Variants in GNAQ observed in about 807,000 individuals in gnomAD.
GNAQ encodes guanine nucleotide-binding protein G(q) subunit alpha.
Under a neutral mutation model 43.9 loss-of-function variants are expected in GNAQ, and 8 were observed. The ratio of observed to expected loss-of-function variants is 0.18; its 90% confidence interval spans 0.11 to 0.33. The LOEUF is 0.33. Ranked by LOEUF, GNAQ falls within the 10% of genes least tolerant of loss-of-function variation. GNAQ has a pLI of 1.00. For missense variants in GNAQ, 158 were observed against 450.8 expected, an observed-to-expected ratio of 0.35 and a Z score of 5.88; for synonymous variants, 155 against 170.7, an observed-to-expected ratio of 0.91 and a Z score of 0.71.
rs552281375 is a variant in GNAQ, at chr9:77,957,173, T to C, written c.137-34828A>G. ...AAATTCGAGACCAGTCTGGCCAACA[T>C]AGTGAAACCCCTTCTCTACTAAAAA... is the stretch of plus-strand genomic sequence containing the variant. On this transcript the variant is annotated intron_variant, in intron 1 of 6. Transcript: ENST00000286548. Among the ~76,000 whole-genome samples the C allele has an allele frequency of 1.9e-3, 282 of 151,990 alleles. 1 individual carries two copies. The highest frequency in any genetic ancestry group is 6.2e-3 in the African/African-American group (257 of 41,452).
At chr9:78,016,969 T>G (rs1342122268) in intron 1 of GNAQ, among the ~76,000 whole-genome samples, 2 of 152,190 alleles carry the variant, frequency 1.3e-5, no homozygotes, top group African/African-American at 4.8e-5. Flanking sequence ...TTATGTTATG[T>G]TATGTTATGT....
intron 1 of GNAQ, among the ~76,000 whole-genome samples, chr9:77,999,395 G>C (rs545901149): frequency 6.6e-6 from 1 of 152,236 alleles, no homozygotes; most frequent in South Asian, 2.1e-4. Context: ...AATCTCTTTA[G>C]GCTTGATGGG....
chr9:77,984,066 A>AAAAAAAAAAAAG, intron 1 of GNAQ, among the ~76,000 whole-genome samples: 1 of 146,146 alleles, frequency 6.8e-6, no homozygotes, highest in African/African-American at 2.5e-5. Context: ...AAAAAAAAAA[A>AAAAAAAAAAAAG]AAAAAAAAAA....
intron 2 of GNAQ, among the ~76,000 whole-genome samples, chr9:77,825,605 C>T (rs1352149992): frequency 1.3e-5 from 2 of 152,164 alleles, no homozygotes; most frequent in Non-Finnish European, 2.9e-5. Flanking sequence ...AAGAGAGATG[C>T]AGTTAACAAT....
intron 1 of GNAQ, among the ~76,000 whole-genome samples, chr9:78,004,514 A>C (rs921628111): frequency 6.6e-6 from 1 of 152,084 alleles, no homozygotes; most frequent in Non-Finnish European, 1.5e-5. Context: ...AAGTTTGAGA[A>C]GTCCTGCGTG....
At chr9:77,748,197 C>G (rs552294175) in intron 5 of GNAQ, among the ~76,000 whole-genome samples, 1 of 152,172 alleles carries the variant, frequency 6.6e-6, no homozygotes, top group African/African-American at 2.4e-5. Context: ...CAGCTATTAT[C>G]TTAAATGGAT....
At chr9:77,761,456 T>G (rs1474621765) in intron 5 of GNAQ, among the ~76,000 whole-genome samples, 2 of 92,600 alleles carry the variant, frequency 2.2e-5, no homozygotes, top group South Asian at 4.3e-4. Context: ...GGTTGGGGGG[T>G]CAGCCCCCCG....
chr9:77,892,587 G>A (rs1485276037), intron 2 of GNAQ, among the ~76,000 whole-genome samples: 1 of 152,128 alleles, frequency 6.6e-6, no homozygotes, highest in African/African-American at 2.4e-5. Context: ...TCGGTGCTGC[G>A]AGTGATCTTT....
chr9:77,746,275 G>C (rs1825728021), intron 5 of GNAQ, among the ~76,000 whole-genome samples: 1 of 152,094 alleles, frequency 6.6e-6, no homozygotes, highest in Admixed American at 6.6e-5. Flanking sequence ...AATAAGCCAA[G>C]GAAGAAAACA....
chr9:77,978,985 G>A (rs1228957943), intron 1 of GNAQ, among the ~76,000 whole-genome samples: 1 of 152,160 alleles, frequency 6.6e-6, no homozygotes, highest in African/African-American at 2.4e-5. Context: ...GAAACTGGGA[G>A]GCAGAGGTTG....
chr9:77,780,442 AT>A (rs34967331), intron 5 of GNAQ, among the ~76,000 whole-genome samples: 117,699 of 146,022 alleles, frequency 0.81, 47,318 homozygotes, highest in African/African-American at 0.86. Context: ...ATAGGATTTC[AT>A]TTTTTTTTTT....
intron 1 of GNAQ, among the ~76,000 whole-genome samples, chr9:78,015,121 A>C (rs1823822931): frequency 6.6e-6 from 1 of 152,260 alleles, no homozygotes; most frequent in African/African-American, 2.4e-5. Flanking sequence ...TGTGTATCAT[A>C]TTTTATCTTT....
intron 2 of GNAQ, among the ~76,000 whole-genome samples, chr9:77,820,998 A>T (rs1827104741): frequency 6.6e-6 from 1 of 152,182 alleles, no homozygotes; most frequent in Non-Finnish European, 1.5e-5. Context: ...TTTATCGCTC[A>T]TGTGTTAGAC....
chr9:77,967,187 T>A lies in GNAQ; in HGVS notation c.137-44842A>T, dbSNP rs138619677. Among the ~76,000 whole-genome samples, 1,032 of 152,314 alleles carry A rather than the reference T, an allele frequency of 6.8e-3. 15 individuals carry two copies. The highest frequency in any genetic ancestry group is 0.023 in the African/African-American group (958 of 41,574). On this transcript the variant is annotated intron_variant, in intron 1 of 6. Coordinates refer to ENST00000286548, the MANE Select transcript of GNAQ (RefSeq NM_002072.5). The stretch of plus-strand genomic sequence containing the variant: ...AGGGTATCATGCCACTATTGCAGAA[T>A]GGGAAGCTGCCCTGTCCCAGGTACA...
At chr9:77,994,066 G>A (rs1042263525) in intron 1 of GNAQ, among the ~76,000 whole-genome samples, 1 of 152,166 alleles carries the variant, frequency 6.6e-6, no homozygotes, top group African/African-American at 2.4e-5. Context: ...GCCCAGGCTG[G>A]AGTGTAGTGG....
intron 3 of GNAQ, among the ~76,000 whole-genome samples, chr9:77,802,082 G>A (rs1326631547): frequency 8.6e-5 from 13 of 152,030 alleles, no homozygotes; most frequent in Non-Finnish European, 5.9e-5. Context: ...CATGAGAATC[G>A]CTTGAACCTG....
chr9:77,859,880 C>T (rs900986198), intron 2 of GNAQ, among the ~76,000 whole-genome samples: 1 of 152,158 alleles, frequency 6.6e-6, no homozygotes, highest in Admixed American at 6.5e-5. Flanking sequence ...AAGGTCTTAT[C>T]GGTCCTGGCA....
At chr9:77,764,563 C>G (rs967505745) in intron 5 of GNAQ, among the ~76,000 whole-genome samples, 1 of 151,896 alleles carries the variant, frequency 6.6e-6, no homozygotes, top group Non-Finnish European at 1.5e-5. Flanking sequence ...TCACGCTATT[C>G]TCCTGCCTCA....
In GNAQ at chr9:77,797,382, T is replaced by G. The variant is rs1826674802; in HGVS notation, c.605+138A>C. On this transcript the variant is annotated intron_variant, in intron 4 of 6. Transcript: ENST00000286548. ...CTCCCTCAGGGATATGTCATTTTAT[T>G]TGTATAACTAATGATAATAATTGGT... 4.3e-6 allele frequency: 3 copies of G among 701,004 alleles called. No individual in the cohort carries two copies. The East Asian group carries it at 8.6e-5, about 20-fold the overall frequency. The allele number at this position is 701,004 out of a possible 1,614,324, so 43.4% of individuals were successfully genotyped here.
Sources: gnomAD v4.1 joint callset for allele counts (sites outside exome capture counted in the v4.1 genomes callset) on GRCh38, gnomAD v4.1.1 for gene constraint, MANE v1.5 for transcripts, NCBI Gene and HGNC (gene_info 2026-07-23, HGNC 2026-07-21) for gene names.